The following DCC variants were observed in gnomAD, a reference collection of about 807,000 sequenced individuals.
DCC encodes DCC netrin 1 receptor.
A neutral mutation model predicts 172.5 loss-of-function variants in DCC; 58 were observed. That is an observed-to-expected ratio of 0.34 (90% CI 0.27 to 0.42). DCC has a LOEUF of 0.42. DCC is among the 10% of genes least tolerant of loss of function. DCC has a pLI of 1.00. For missense variants in DCC, 1,740 were observed against 1,791.0 expected (o/e 0.97, Z 0.51); for synonymous variants, 709 against 644.5 (o/e 1.10, Z -1.52).
Position 53,333,954 on chromosome 18 carries a change from G to T in DCC, c.2165-5759G>T, listed in dbSNP as rs1215622293. Among the ~76,000 whole-genome samples the T allele has an allele frequency of 3.3e-5, 5 of 152,212 alleles. No homozygotes were observed. The East Asian group carries it at 9.7e-4, about 29-fold the overall frequency. On this transcript the variant is annotated intron_variant, in intron 14 of 28. Transcript: ENST00000442544. ...GCATCTCACATTGAACATGACCCAA[G>T]GAAATCTCACCTGTGTTTCCTCATT...
rs183313157 is a variant in DCC, at chr18:52,844,738, C to T, written c.413-61306C>T. ...AAAACTAAAAGTCATTCTCTAAAGA[C>T]TGACTATATTGCTTCTTTTATTCAT... On this transcript the variant is annotated intron_variant, in intron 2 of 28. Coordinates refer to ENST00000442544, the MANE Select transcript of DCC (RefSeq NM_005215.4). 3.1e-4 allele frequency among the ~76,000 whole-genome samples: 47 copies of T among 152,282 alleles called. 1 individual carries two copies. Among genetic ancestry groups the T allele is most frequent in the African/African-American group, 9.6e-4 (40 of 41,562 alleles).
At chr18:52,562,185 A>G (rs2033055422) in intron 1 of DCC, among the ~76,000 whole-genome samples, 1 of 152,178 alleles carries the variant, frequency 6.6e-6, no homozygotes, top group Non-Finnish European at 1.5e-5. Context: ...AGGGATACTG[A>G]GTATGGCAAA....
chr18:53,043,329 G>A (rs1378335102), intron 5 of DCC, among the ~76,000 whole-genome samples: 2 of 151,806 alleles, frequency 1.3e-5, no homozygotes, highest in South Asian at 2.1e-4. Flanking sequence ...GGGGGGCAAG[G>A]GGAGAGATAA....
At chr18:52,969,611 CTCTCTCTCTCTTTCTGTGACTCTCTGTG>C (rs1055109633) in intron 5 of DCC, among the ~76,000 whole-genome samples, 4 of 149,170 alleles carry the variant, frequency 2.7e-5, no homozygotes, top group African/African-American at 1.0e-4. Context: ...CTCTCTCTCT[CTCTCTCTCTCTTTCTGTGACTCTCTGTG>C]TCTCTCTCTC....
intron 7 of DCC, among the ~76,000 whole-genome samples, chr18:53,133,526 T>C (rs561255853): frequency 6.0e-4 from 91 of 152,298 alleles, no homozygotes; most frequent in African/African-American, 2.0e-3. Flanking sequence ...TATTCCTTTC[T>C]TGGGAGTATT....
chr18:53,159,172 A>C (rs751635946), intron 8 of DCC, among the ~76,000 whole-genome samples: 2 of 152,088 alleles, frequency 1.3e-5, no homozygotes, highest in Non-Finnish European at 2.9e-5. Context: ...ACTGGAAGCA[A>C]TGATTCTTGC....
chr18:52,395,646 A>T (rs1425890288), intron 1 of DCC, among the ~76,000 whole-genome samples: 1 of 152,026 alleles, frequency 6.6e-6, no homozygotes, highest in Non-Finnish European at 1.5e-5. Context: ...AGCCAGTCAA[A>T]CTGATACTTC....
chr18:53,427,867 T>C (rs1355265174), intron 21 of DCC, among the ~76,000 whole-genome samples: 1 of 85,342 alleles, frequency 1.2e-5, no homozygotes, highest in East Asian at 2.5e-4. Flanking sequence ...ATATATAATA[T>C]ATAAATATAT....
At chr18:52,647,143 A>C (rs1466313447) in intron 1 of DCC, among the ~76,000 whole-genome samples, 1 of 152,078 alleles carries the variant, frequency 6.6e-6, no homozygotes, top group Non-Finnish European at 1.5e-5. Flanking sequence ...CTCAGTATTG[A>C]CCTTCTCATC....
At chr18:53,256,218 T>A (rs1187161936) in intron 12 of DCC, among the ~76,000 whole-genome samples, 1 of 152,178 alleles carries the variant, frequency 6.6e-6, no homozygotes, top group African/African-American at 2.4e-5. Context: ...TTTAGTTTAA[T>A]TAGATCCCAT....
At chr18:52,995,228 A>T (rs948167519) in intron 5 of DCC, among the ~76,000 whole-genome samples, 2 of 152,134 alleles carry the variant, frequency 1.3e-5, no homozygotes, top group Non-Finnish European at 2.9e-5. Context: ...AGAACTACAT[A>T]AGTGACTCTA....
chr18:53,485,486 C>T (rs2045889941), intron 25 of DCC, among the ~76,000 whole-genome samples: 1 of 151,890 alleles, frequency 6.6e-6, no homozygotes, highest in Non-Finnish European at 1.5e-5. Flanking sequence ...TATTTTTATT[C>T]AATTTATAGG....
At chr18:52,698,498 G>A (rs2036048428) in intron 1 of DCC, among the ~76,000 whole-genome samples, 1 of 151,990 alleles carries the variant, frequency 6.6e-6, no homozygotes, top group Non-Finnish European at 1.5e-5. Context: ...TACAGAGTTG[G>A]TCCTTTTTCT....
At chr18:52,451,946 A>G (rs564889423) in intron 1 of DCC, among the ~76,000 whole-genome samples, 1 of 152,220 alleles carries the variant, frequency 6.6e-6, no homozygotes, top group African/African-American at 2.4e-5. Flanking sequence ...ATAAAATTCC[A>G]AGAGAGATAA....
intron 5 of DCC, among the ~76,000 whole-genome samples, chr18:53,026,987 A>T (rs748937880): frequency 6.6e-6 from 1 of 152,140 alleles, no homozygotes; most frequent in Admixed American, 6.6e-5. Flanking sequence ...CAGTCATCAC[A>T]GATTATCCAA....
intron 1 of DCC, among the ~76,000 whole-genome samples, chr18:52,714,832 G>T (rs17756205): frequency 2.6e-5 from 4 of 151,960 alleles, no homozygotes; most frequent in African/African-American, 9.7e-5. Flanking sequence ...GAAATGTTAC[G>T]GATATAAAAG....
chr18:53,070,231 C>T (rs908631015), intron 7 of DCC, among the ~76,000 whole-genome samples: 2 of 152,080 alleles, frequency 1.3e-5, no homozygotes, highest in African/African-American at 4.8e-5. Context: ...AACTCCTGAC[C>T]TCAGGTGATC....
At chr18:53,067,974 C>T (rs917474958) in intron 7 of DCC, among the ~76,000 whole-genome samples, 5 of 152,148 alleles carry the variant, frequency 3.3e-5, no homozygotes, top group African/African-American at 1.2e-4. Flanking sequence ...ATGACTTTCT[C>T]CTATTTCCTT....
At chr18:52,547,117 G>A (rs1145278) in intron 1 of DCC, among the ~76,000 whole-genome samples, 147,182 of 152,204 alleles carry the variant, frequency 0.97, 71,381 homozygotes, top group East Asian at 1. Context: ...CCTTTGAAAT[G>A]CTAATAAAAT....
Sources: allele counts gnomAD v4.1 joint callset (sites outside exome capture counted in the v4.1 genomes callset), GRCh38; gene constraint gnomAD v4.1.1; transcripts MANE v1.5; gene names NCBI Gene and HGNC (gene_info 2026-07-23, HGNC 2026-07-21).